Variants in EVA1C observed in about 807,000 individuals in gnomAD.
EVA1C encodes the protein eva-1 homolog C, also known as protein eva-1 homolog C.
EVA1C carries 25 observed loss-of-function variants against 45.4 expected under a neutral mutation model. The observed-to-expected ratio is 0.55, with a 90% CI of 0.40 to 0.77. EVA1C has a LOEUF of 0.77. EVA1C is among the 30% of genes least tolerant of loss of function. The pLI is 0.00. For missense variants in EVA1C, 479 were observed against 554.8 expected, an observed-to-expected ratio of 0.86 and a Z score of 1.37; for synonymous variants, 190 against 221.2, an observed-to-expected ratio of 0.86 and a Z score of 1.25.
chr21:32,466,833 T>C (rs2036192788), intron 3 of EVA1C, among the ~76,000 whole-genome samples: 1 of 152,138 alleles, frequency 6.6e-6, no homozygotes, highest in African/African-American at 2.4e-5. Context: ...GCTTTTTTTT[T>C]TTTTTAAATT....
Position 32,507,949 on chromosome 21 carries a change from T to G in EVA1C, c.949+3934T>G, listed in dbSNP as rs111231321. Among the ~76,000 whole-genome samples, 810 of 149,660 alleles carry G rather than the reference T, an allele frequency of 5.4e-3. 8 individuals carry two copies. Among genetic ancestry groups the G allele is most frequent in the African/African-American group, 0.019 (776 of 40,654 alleles). ...CCTGTATGTGTATCTGTATGTGTGTTTGTGTGTGTGTGTATCTGTATGTGT... is the reference window on the plus strand; with the variant it reads ...CCTGTATGTGTATCTGTATGTGTGTGTGTGTGTGTGTGTATCTGTATGTGT... On this transcript the variant is annotated intron_variant, in intron 7 of 7. Coordinates refer to ENST00000300255, the MANE Select transcript of EVA1C (RefSeq NM_058187.5).
At chr21:32,446,980 C>A (rs1330180958) in intron 1 of EVA1C, among the ~76,000 whole-genome samples, 2 of 152,180 alleles carry the variant, frequency 1.3e-5, no homozygotes, top group African/African-American at 4.8e-5. Context: ...TCCCTTGCGC[C>A]CCTCCCCTCT....
intron 7 of EVA1C, among the ~76,000 whole-genome samples, chr21:32,511,419 CAAAAAAAAAAA>C (rs749141703): frequency 6.3e-5 from 3 of 47,602 alleles, no homozygotes; most frequent in South Asian, 9.7e-4. Context: ...AACTCCGTCT[CAAAAAAAAAAA>C]AAAAAAAAAA....
chr21:32,494,519 A>G (rs1257841765), intron 4 of EVA1C, among the ~76,000 whole-genome samples: 2 of 152,222 alleles, frequency 1.3e-5, no homozygotes, highest in Admixed American at 6.5e-5. Flanking sequence ...GCGGTGGCTC[A>G]CACCTGTAAT....
At chr21:32,453,587 T>C (rs1294214172) in intron 2 of EVA1C, 79 bp downstream of exon 2, 14 of 1,096,292 alleles carry the variant, frequency 1.3e-5, no homozygotes, top group Non-Finnish European at 1.6e-5. Context: ...TAAATATATT[T>C]GTGATTATAT....
intron 7 of EVA1C, among the ~76,000 whole-genome samples, chr21:32,507,707 C>T (rs1358909605): frequency 1.4e-5 from 2 of 141,470 alleles, no homozygotes; most frequent in Non-Finnish European, 3.1e-5. Flanking sequence ...CGTATGTGCA[C>T]GTGTGTGTGC....
intron 1 of EVA1C, among the ~76,000 whole-genome samples, chr21:32,444,764 A>G (rs11911876): frequency 0.16 from 23,625 of 150,596 alleles, 2,138 homozygotes; most frequent in East Asian, 0.27. Context: ...CTTTCCAGGG[A>G]CCAGTCCCCA....
intron 7 of EVA1C, among the ~76,000 whole-genome samples, chr21:32,511,435 A>AG (rs1359665609): frequency 4.0e-5 from 6 of 150,726 alleles, no homozygotes; most frequent in African/African-American, 1.2e-4. Flanking sequence ...AAAAAAAAAA[A>AG]AAAAAAGAAA....
Position 32,497,094 on chromosome 21 carries a change from G to C in EVA1C, c.778+1924G>C, listed in dbSNP as rs1233022992. The C allele has an allele frequency of 3.2e-6, 3 of 930,226 alleles. No individual in the cohort carries two copies. The East Asian group carries it at 7.2e-5, about 22-fold the overall frequency. 57.6% of individuals were successfully genotyped at this position (930,226 alleles called of 1,614,324 possible). A position where few individuals can be genotyped will look rare whatever the true frequency, so the allele number is the denominator to read the frequency against. ...GACAGGATGGTCTGCTTTTTAAAGT[G>C]ACTGGGCTTCATTAGAAAGCTGTTA... is the stretch of plus-strand genomic sequence containing the variant. On this transcript the variant is annotated intron_variant, in intron 5 of 7. Coordinates refer to ENST00000300255, the MANE Select transcript of EVA1C (RefSeq NM_058187.5).
intron 7 of EVA1C, among the ~76,000 whole-genome samples, chr21:32,506,102 C>T (rs16989436): frequency 0.09 from 13,716 of 151,816 alleles, 653 homozygotes; most frequent in African/African-American, 0.11. Context: ...ATTAGCTTTC[C>T]TCCATCTCTT....
intron 3 of EVA1C, among the ~76,000 whole-genome samples, chr21:32,460,782 A>G (rs550162862): frequency 2.0e-5 from 3 of 147,866 alleles, no homozygotes; most frequent in Middle Eastern, 3.5e-3. Context: ...GTCTCACTCC[A>G]TTGCCCAGGC....
At chr21:32,467,913 T>A in intron 4 of EVA1C, 65 bp downstream of exon 4, 2 of 1,008,344 alleles carry the variant, frequency 2.0e-6, no homozygotes, top group Non-Finnish European at 2.7e-6. Context: ...AGAATATATA[T>A]ATATATATCC....
At chr21:32,496,750 G>T in intron 5 of EVA1C, 1 of 639,126 alleles carries the variant, frequency 1.6e-6, no homozygotes, top group Non-Finnish European at 2.8e-6. Context: ...GTGTAGTTTT[G>T]GCCGGGGACC....
At chr21:32,483,200 G>C (rs915730310) in intron 4 of EVA1C, among the ~76,000 whole-genome samples, 1 of 151,986 alleles carries the variant, frequency 6.6e-6, no homozygotes, top group Non-Finnish European at 1.5e-5. Flanking sequence ...ACCATCCTTT[G>C]GGTGTGCCAT....
chr21:32,422,056 A>AAAC (rs1292460740), intron 1 of EVA1C, among the ~76,000 whole-genome samples: 22 of 151,862 alleles, frequency 1.4e-4, no homozygotes, highest in Admixed American at 1.4e-3. Flanking sequence ...AAAAAAAAAA[A>AAAC]AAAAAAAGAG....
In EVA1C at chr21:32,412,775, C is replaced by G. The variant is rs2033869573; in HGVS notation, c.-79C>G. 7.9e-7 allele frequency: 1 copy of G among 1,271,276 alleles called. No individual in the cohort carries two copies. Among genetic ancestry groups the G allele is most frequent in the Non-Finnish European group, 1.0e-6 (1 of 996,808 alleles). 78.7% of individuals were successfully genotyped at this position (1,271,276 alleles called of 1,614,324 possible). A position where few individuals can be genotyped will look rare whatever the true frequency, so the allele number is the denominator to read the frequency against. The stretch of plus-strand genomic sequence containing the variant: ...GGAGCCGCTGGCCATCGATTCTCCC[C>G]GCCATGTGACGCCGTCCTTAGCCCT... On this transcript the variant is annotated 5_prime_UTR_variant, in exon 1 of 8. Coordinates refer to ENST00000300255, the MANE Select transcript of EVA1C (RefSeq NM_058187.5).
chr21:32,486,993 C>T (rs776682688), intron 4 of EVA1C, among the ~76,000 whole-genome samples: 2 of 152,046 alleles, frequency 1.3e-5, no homozygotes, highest in Non-Finnish European at 2.9e-5. Flanking sequence ...GGCTCCTGGC[C>T]AGAGATCCTA....
chr21:32,430,229 T>C (rs1018851166), intron 1 of EVA1C, among the ~76,000 whole-genome samples: 13 of 152,016 alleles, frequency 8.6e-5, no homozygotes, highest in African/African-American at 3.1e-4. Flanking sequence ...GCTTGCCTTC[T>C]TACTGCCTGG....
At chr21:32,514,761 G>A in intron 7 of EVA1C, 53 bp from the exon 8 acceptor site, 1 of 1,496,168 alleles carries the variant, frequency 6.7e-7, no homozygotes, top group Non-Finnish European at 8.9e-7. Context: ...ACTTGGCACT[G>A]GTGGAGTCTG....
Sources: allele counts gnomAD v4.1 joint callset (sites outside exome capture counted in the v4.1 genomes callset), GRCh38; gene constraint gnomAD v4.1.1; transcripts MANE v1.5; gene names NCBI Gene and HGNC (gene_info 2026-07-23, HGNC 2026-07-21).